SH2D3C: variants seen among roughly 807,000 people sequenced by gnomAD.
SH2D3C encodes SH2 domain-containing protein 3C.
Under a neutral mutation model 75.2 loss-of-function variants are expected in SH2D3C, and 25 were observed. That is an observed-to-expected ratio of 0.33 (90% CI 0.24 to 0.46). The LOEUF is 0.46. SH2D3C is among the 20% of genes least tolerant of loss of function. The pLI is 1.00. For synonymous variants in SH2D3C, 450 were observed against 473.7 expected (o/e 0.95, Z 0.65); for missense variants, 933 against 1,165.3 (o/e 0.80, Z 2.90).
intron 5 of SH2D3C, 145 bp from the exon 6 acceptor site, chr9:127,747,416 C>A: frequency 1.4e-6 from 1 of 734,830 alleles, no homozygotes; most frequent in Non-Finnish European, 2.1e-6. Context: ...CTGACAGGTA[C>A]CAAAAAAACT....
At chr9:127,743,010 C>A (rs2131737880) in intron 7 of SH2D3C, 46 bp from the exon 8 acceptor site, 1 of 1,450,940 alleles carries the variant, frequency 6.9e-7, no homozygotes, top group African/African-American at 1.4e-5. Context: ...TCAGGGCTGG[C>A]CCCAGCCATC....
At chr9:127,755,264 G>C (rs1205421103) in intron 3 of SH2D3C, 1 of 1,162,700 alleles carries the variant, frequency 8.6e-7, no homozygotes, top group Admixed American at 4.7e-5. Flanking sequence ...GTGCCTCTCA[G>C]CGGCGCGATT....
chr9:127,739,990 G>T lies in SH2D3C; in HGVS notation c.2201-102C>A. The T allele has an allele frequency of 1.8e-6, 2 of 1,142,678 alleles. No homozygotes were observed. The highest frequency in any genetic ancestry group is 2.4e-6 in the Non-Finnish European group (2 of 820,526). 70.8% of individuals were successfully genotyped at this position (1,142,678 alleles called of 1,614,324 possible). A position where few individuals can be genotyped will look rare whatever the true frequency, so the allele number is the denominator to read the frequency against. ...GCAGGAGGGAACGGGCCTGGCTGAG[G>T]TCCGGGAGAGAGCCCCAAGGGCTCC... On this transcript the variant is annotated intron_variant, in intron 10 of 11. Coordinates refer to ENST00000314830, the MANE Select transcript of SH2D3C (RefSeq NM_170600.3). The surrounding 1 kb of genome is among the most constrained non-coding windows in gnomAD (Gnocchi z 4.3).
chr9:127,773,812 G>C (rs1845770446), intron 2 of SH2D3C, among the ~76,000 whole-genome samples, 178 bp downstream of exon 2: 1 of 152,032 alleles, frequency 6.6e-6, no homozygotes, highest in African/African-American at 2.4e-5. Flanking sequence ...CAGCTACTCG[G>C]GGGGCTGAGG....
intron 9 of SH2D3C, 148 bp from the exon 10 acceptor site, chr9:127,740,517 A>G: frequency 3.3e-6 from 2 of 599,482 alleles, no homozygotes; most frequent in Non-Finnish European, 6.0e-6. Context: ...ACTACTTTTC[A>G]TGTCTACCAT....
intron 2 of SH2D3C, chr9:127,771,505 GC>G: frequency 1.6e-6 from 1 of 611,336 alleles, no homozygotes; most frequent in Non-Finnish European, 2.5e-6. Flanking sequence ...GGAAGGCCTC[GC>G]CCCCTAGCAC....
At chr9:127,773,768 A>C (rs1160323046) in intron 2 of SH2D3C, among the ~76,000 whole-genome samples, 2 of 151,960 alleles carry the variant, frequency 1.3e-5, no homozygotes, top group Non-Finnish European at 2.9e-5. Context: ...AAATACAAAA[A>C]TTAGCCAAGA....
intron 3 of SH2D3C, among the ~76,000 whole-genome samples, chr9:127,758,357 A>G (rs1334293874): frequency 6.6e-6 from 1 of 150,930 alleles, no homozygotes; most frequent in Non-Finnish European, 1.5e-5. Context: ...CTGAGCAGGT[A>G]TTATTTATTT....
chr9:127,745,006 G>A lies in SH2D3C; in HGVS notation c.1358C>T (p.Pro453Leu), dbSNP rs1564411804. 6.6e-7 allele frequency: 1 copy of A among 1,521,428 alleles called. No individual in the cohort carries two copies. Among genetic ancestry groups the A allele is most frequent in the Admixed American group, 2.2e-5 (1 of 45,826 alleles). 94.2% of individuals were successfully genotyped at this position (1,521,428 alleles called of 1,614,324 possible). A position where few individuals can be genotyped will look rare whatever the true frequency, so the allele number is the denominator to read the frequency against. Reference sequence around the variant, plus strand: ...CCCATGGGTCTTTGGGGCACTTCCGGGACACAGCTGGGGCTCACTGGAACG... The same window carrying A: ...CCCATGGGTCTTTGGGGCACTTCCGAGACACAGCTGGGGCTCACTGGAACG... ...ARRSSEPQLC[P>L]GSAPKTHGES... Residue 453 changes from proline to leucine, a missense_variant, in exon 7 of 12, where the codon CCC becomes CTC. Physicochemically the swap from Pro to Leu is moderately conservative, Grantham distance 98 (BLOSUM62 -3). Transcript: ENST00000314830.
rs368179695 is a variant in SH2D3C at position 127,759,631 on chromosome 9, T to C, written c.555+1980A>G. 5.3e-5 allele frequency among the ~76,000 whole-genome samples: 8 copies of C among 151,858 alleles called. No homozygotes were observed. In the East Asian group the frequency reaches 1.6e-3, roughly 30 times the overall value. On this transcript the variant is annotated intron_variant, in intron 3 of 11. Coordinates refer to ENST00000314830, the MANE Select transcript of SH2D3C (RefSeq NM_170600.3). ...TGGGAGGCTGAGGCAGGAGGATCAC[T>C]TGAGGCCAGGCTTTTGAGACCAGCC...
intron 10 of SH2D3C, 96 bp downstream of exon 10, chr9:127,740,162 A>G (rs1173835648): frequency 1.9e-6 from 2 of 1,040,568 alleles, no homozygotes; most frequent in Admixed American, 1.9e-5. Context: ...TAGCTTGCAC[A>G]GAGCTCAGCC....
At chr9:127,742,461 T>C (rs533397601) in intron 8 of SH2D3C, among the ~76,000 whole-genome samples, 1 of 152,296 alleles carries the variant, frequency 6.6e-6, no homozygotes, top group East Asian at 1.9e-4. Flanking sequence ...GGTGTCGAAC[T>C]CCTGACCTCA....
chr9:127,743,019 T>A (rs957890601), intron 7 of SH2D3C, 55 bp from the exon 8 acceptor site: 12 of 1,382,876 alleles, frequency 8.7e-6, no homozygotes, highest in East Asian at 4.8e-5. Flanking sequence ...GCCCCAGCCA[T>A]CTGGGAGTCA....
chr9:127,751,145 T>G lies in SH2D3C; in HGVS notation c.684+27A>C, dbSNP rs372541117. 6.2e-7 allele frequency: 1 copy of G among 1,611,510 alleles called. No homozygotes were observed. The highest frequency in any genetic ancestry group is 8.5e-7 in the Non-Finnish European group (1 of 1,179,382). On this transcript the variant is annotated intron_variant, in intron 4 of 11. Transcript: ENST00000314830. The surrounding 1 kb of genome is among the most constrained non-coding windows in gnomAD (Gnocchi z 4.1). ...AGGCAGTGGGTGGGAGGGTCCCGGGTTGAAGTCCAGCTCGGGGCCTACTCA... is the reference window on the plus strand; with the variant it reads ...AGGCAGTGGGTGGGAGGGTCCCGGGGTGAAGTCCAGCTCGGGGCCTACTCA...
chr9:127,751,078 C>A lies in SH2D3C; in HGVS notation c.684+94G>T, dbSNP rs1845187634. On this transcript the variant is annotated intron_variant, in intron 4 of 11. Coordinates refer to ENST00000314830, the MANE Select transcript of SH2D3C (RefSeq NM_170600.3). This position sits in a 1 kb window ranked among gnomAD's most constrained non-coding sequence, Gnocchi z 4.1. Reference sequence around the variant, plus strand: ...TGATTGAATCCACCAAGCAACAGGTCAGAGCCTCCCAGGTGGCTGCAGCCA... The same window carrying A: ...TGATTGAATCCACCAAGCAACAGGTAAGAGCCTCCCAGGTGGCTGCAGCCA... 1.6e-6 allele frequency: 2 copies of A among 1,257,974 alleles called. No individual in the cohort carries two copies. The highest frequency in any genetic ancestry group is 3.0e-5 in the African/African-American group (2 of 67,604). The allele number at this position is 1,257,974 out of a possible 1,614,324, so 77.9% of individuals were successfully genotyped here. A position where few individuals can be genotyped will look rare whatever the true frequency, so the allele number is the denominator to read the frequency against.
chr9:127,766,961 G>A, intron 2 of SH2D3C: 2 of 1,536,132 alleles, frequency 1.3e-6, no homozygotes, highest in South Asian at 1.2e-5. Flanking sequence ...TAAAGGCCCT[G>A]GGCAAAAAGA....
Position 127,744,810 on chromosome 9 carries a change from G to A in SH2D3C, c.1554C>T (p.Ala518=), listed in dbSNP as rs773389132. The part of the protein sequence containing the change: ...WAATETSSQQ[A]RSYGERLKEL... ...CCTTTAGCCTCTCCCCATAGCTCCT[G>A]GCCTGCTGGCTGGAGGTCTCAGTCG... Residue 518 remains alanine, a synonymous_variant, in exon 7 of 12, where the codon GCC becomes GCT. Transcript: ENST00000314830. 5 of 1,614,188 alleles carry A rather than the reference G, an allele frequency of 3.1e-6. No homozygotes were observed. In the South Asian group the frequency reaches 5.5e-5, roughly 18 times the overall value.
chr9:127,764,185 C>A (rs985470997), intron 2 of SH2D3C, among the ~76,000 whole-genome samples: 2 of 152,186 alleles, frequency 1.3e-5, no homozygotes, highest in Non-Finnish European at 2.9e-5. Flanking sequence ...TCAGGCCTGA[C>A]TAGGGTGGCC....
At chr9:127,772,103 T>C (rs1333167735) in intron 2 of SH2D3C, among the ~76,000 whole-genome samples, 1 of 152,054 alleles carries the variant, frequency 6.6e-6, no homozygotes, top group Non-Finnish European at 1.5e-5. Flanking sequence ...TGATCAGGGG[T>C]CTAGGCAATT....
Sources: gnomAD v4.1 joint callset for allele counts (sites outside exome capture counted in the v4.1 genomes callset) on GRCh38, gnomAD v4.1.1 for gene constraint, Gnocchi (gnomAD v3.1) non-coding constraint, MANE v1.5 for transcripts, NCBI Gene and HGNC (gene_info 2026-07-23, HGNC 2026-07-21) for gene names.